EXOC1: variants seen among roughly 807,000 people sequenced by gnomAD.
The protein encoded by EXOC1 is SEC3-like 1.
EXOC1 carries 67 observed loss-of-function variants against 107.7 expected under a neutral mutation model. That is an observed-to-expected ratio of 0.62 (90% confidence interval 0.51 to 0.76). The LOEUF (loss-of-function observed/expected upper bound fraction) is 0.76, where lower values mean the gene tolerates loss of function less well. Ranked by LOEUF, EXOC1 falls within the 30% of genes least tolerant of loss-of-function variation. EXOC1 has a pLI of 0.00. For missense variants in EXOC1, 833 were observed against 1,055.7 expected (o/e 0.79, Z 2.92); for synonymous variants, 348 against 353.5 (o/e 0.98, Z 0.17).
At chr4:55,901,313 A>G (rs1725882547) in intron 17 of EXOC1, among the ~76,000 whole-genome samples, 2 of 152,216 alleles carry the variant, frequency 1.3e-5, no homozygotes, top group South Asian at 4.1e-4. Flanking sequence ...TTATGTAAAA[A>G]CAAAATTTTT....
At position 55,870,901 on chromosome 4, in the gene EXOC1, T is replaced by C. The variant is rs1482409264; in HGVS notation, c.827T>C (p.Leu276Pro). ...AAACTCCTATCTGAGATAGAGTTCC[T>C]TGTGGTAAGTATGATCATAAATTAC... Reference protein sequence around the residue: ...NVKLLSEIEFLVNHMDLAKGH... With the variant: ...NVKLLSEIEFPVNHMDLAKGH... Residue 276 changes from leucine to proline, a missense_variant, in exon 6 of 19, where the codon CTT becomes CCT. Leu to Pro is a moderately conservative substitution (Grantham distance 98, BLOSUM62 -3). Around this residue, in one of 2 missense-constraint regions of EXOC1, gnomAD observed 617 missense variants for 701.3 expected, o/e 0.88. Coordinates refer to ENST00000381295, the MANE Select transcript of EXOC1 (RefSeq NM_001024924.2). 3.1e-6 allele frequency: 5 copies of C among 1,611,576 alleles called. No homozygotes were observed. The highest frequency in any genetic ancestry group is 4.2e-6 in the Non-Finnish European group (5 of 1,178,362).
chr4:55,877,268 C>T (rs1722987612), intron 8 of EXOC1: 1 of 985,214 alleles, frequency 1.0e-6, no homozygotes, highest in African/African-American at 1.7e-5. Context: ...ATACAGTTTT[C>T]ACAAAATGCT....
In EXOC1 at chr4:55,868,521, G is replaced by T. The variant is rs1327895610; in HGVS notation, c.601G>T (p.Gly201Trp). The T allele has an allele frequency of 2.5e-6, 4 of 1,612,460 alleles. No homozygotes were observed. The Admixed American group carries it at 5.0e-5, about 20-fold the overall frequency. ...GTCCAGAGAGCTGCAGGTGCTAGATGGGGTAAGACTTTCCTGAATTCTATG... is the reference window on the plus strand; with the variant it reads ...GTCCAGAGAGCTGCAGGTGCTAGATTGGGTAAGACTTTCCTGAATTCTATG... Reference protein sequence around the residue: ...KLSRELQVLDGANIQSIMASE... With the variant: ...KLSRELQVLDWANIQSIMASE... Residue 201 changes from glycine to tryptophan, a missense_variant and splice_region_variant, in exon 5 of 19, where the codon GGG (glycine) becomes TGG (tryptophan). This residue lies in a region of EXOC1 where 617 missense variants were observed against 701.3 expected (regional missense o/e 0.88). Coordinates refer to ENST00000381295, the MANE Select transcript of EXOC1 (RefSeq NM_001024924.2).
chr4:55,883,744 G>T, intron 9 of EXOC1, 79 bp from the exon 10 acceptor site: 1 of 806,086 alleles, frequency 1.2e-6, no homozygotes, highest in South Asian at 2.2e-5. Context: ...AAACAAGCAT[G>T]AAGGACTTGG....
In EXOC1 at chr4:55,896,300, C is replaced by T. The variant is rs543777782; in HGVS notation, c.1954-417C>T. ...AAGTAGCTGGGATTACAGGCATGCA[C>T]GACCCCACCCAGCTAATTTTTTTTT... On this transcript the variant is annotated intron_variant, in intron 15 of 18. Coordinates refer to ENST00000381295, the MANE Select transcript of EXOC1 (RefSeq NM_001024924.2). Among the ~76,000 whole-genome samples, 12 of 152,146 alleles carry T rather than the reference C, an allele frequency of 7.9e-5. No individual in the cohort carries two copies. The South Asian group carries it at 1.9e-3, about 24-fold the overall frequency.
At chr4:55,894,795 T>C (rs1283772120) in intron 15 of EXOC1, among the ~76,000 whole-genome samples, 1 of 152,018 alleles carries the variant, frequency 6.6e-6, no homozygotes, top group Non-Finnish European at 1.5e-5. Context: ...GCTAGTTTTG[T>C]ATTTTTAGTA....
intron 10 of EXOC1, among the ~76,000 whole-genome samples, 169 bp downstream of exon 10, chr4:55,884,097 A>G (rs767388065): frequency 2.0e-5 from 3 of 152,238 alleles, no homozygotes; most frequent in East Asian, 3.8e-4. Flanking sequence ...ACAAATATGT[A>G]TATCTGTAAA....
chr4:55,893,847 TA>T (rs1201696695), intron 15 of EXOC1, 67 bp downstream of exon 15: 1 of 1,271,118 alleles, frequency 7.9e-7, no homozygotes, highest in Non-Finnish European at 1.1e-6. Flanking sequence ...TAAATGTATT[TA>T]AAATCGAGGG....
intron 9 of EXOC1, among the ~76,000 whole-genome samples, chr4:55,878,316 T>C (rs1277613725): frequency 1.3e-5 from 2 of 152,240 alleles, no homozygotes; most frequent in Non-Finnish European, 2.9e-5. Context: ...AGTTAAATGC[T>C]ATGCTTATTT....
Position 55,902,337 on chromosome 4 carries a change from C to T in EXOC1, c.2338-7C>T, listed in dbSNP as rs551244253. The stretch of plus-strand genomic sequence containing the variant: ...CTTAGCCATTGTTTCTTTTCATTTC[C>T]TTGAAGCATTTCTTTGAAGGTGTTG... On this transcript the variant is annotated splice_region_variant and splice_polypyrimidine_tract_variant and intron_variant, in intron 17 of 18. Coordinates refer to ENST00000381295, the MANE Select transcript of EXOC1 (RefSeq NM_001024924.2). 4 of 1,421,832 alleles carry T rather than the reference C, an allele frequency of 2.8e-6. No homozygotes were observed. The African/African-American group carries it at 5.9e-5, about 21-fold the overall frequency. The allele number at this position is 1,421,832 out of a possible 1,614,324, so 88.1% of individuals were successfully genotyped here. A position where few individuals can be genotyped will look rare whatever the true frequency, so the allele number is the denominator to read the frequency against.
In EXOC1 at chr4:55,882,367, T is replaced by C. The variant is rs116290595; in HGVS notation, c.1225-1456T>C. ...GTTGCCCAGGCTGGCATCATAGAGT[T>C]TTGGAGAGACACTGATACAGTAAAA... On this transcript the variant is annotated intron_variant, in intron 9 of 18. Coordinates refer to ENST00000381295, the MANE Select transcript of EXOC1 (RefSeq NM_001024924.2). 7.7e-3 allele frequency among the ~76,000 whole-genome samples: 1,170 copies of C among 152,210 alleles called. 7 individuals carry two copies. Among genetic ancestry groups the C allele is most frequent in the African/African-American group, 0.026 (1,099 of 41,544 alleles).
At position 55,886,582 on chromosome 4, in the gene EXOC1, A is replaced by AC. The variant is rs56889219; in HGVS notation, c.1331-2306_1331-2305insC. ...AACAAAAAAACAAAAAAACAAAAAA[A>AC]AAAAAAACAAGAAATGTAACCCCAT... On this transcript the variant is annotated intron_variant, in intron 10 of 18. Transcript: ENST00000381295. Among the ~76,000 whole-genome samples, 6 of 151,796 alleles carry AC rather than the reference A, an allele frequency of 4.0e-5. No homozygotes were observed. In the East Asian group the frequency reaches 5.8e-4, roughly 15 times the overall value.
intron 18 of EXOC1, among the ~76,000 whole-genome samples, 185 bp downstream of exon 18, chr4:55,902,723 C>T (rs1237709899): frequency 6.6e-6 from 1 of 151,926 alleles, no homozygotes; most frequent in Non-Finnish European, 1.5e-5. Context: ...GCTATTTCTG[C>T]TTATTTCGTA....
At chr4:55,903,962 A>G (rs1223869248) in intron 18 of EXOC1, among the ~76,000 whole-genome samples, 3 of 152,206 alleles carry the variant, frequency 2.0e-5, no homozygotes, top group East Asian at 1.9e-4. Flanking sequence ...TCTTAGTTCT[A>G]TACATAATTG....
intron 18 of EXOC1, among the ~76,000 whole-genome samples, 193 bp downstream of exon 18, chr4:55,902,731 G>A (rs1027726110): frequency 3.3e-5 from 5 of 151,862 alleles, no homozygotes; most frequent in East Asian, 1.9e-4. Flanking sequence ...TGCTTATTTC[G>A]TATTTCTGCT....
intron 8 of EXOC1, chr4:55,875,781 T>C: frequency 3.0e-6 from 3 of 985,388 alleles, no homozygotes; most frequent in Non-Finnish European, 3.6e-6. Context: ...GCACATAGTT[T>C]AGGCCAGGCG....
intron 16 of EXOC1, 27 bp from the exon 17 acceptor site, chr4:55,899,658 A>G: frequency 6.3e-7 from 1 of 1,587,156 alleles, no homozygotes; most frequent in South Asian, 1.1e-5. Context: ...CAGAGATGTT[A>G]TTTTATTTTT....
At chr4:55,879,014 A>AGGAACAGG (rs1373862622) in intron 9 of EXOC1, among the ~76,000 whole-genome samples, 4 of 152,354 alleles carry the variant, frequency 2.6e-5, no homozygotes, top group Admixed American at 2.0e-4. Flanking sequence ...CAACAGCAGA[A>AGGAACAGG]GGAACAGGTT....
At chr4:55,857,160 C>CTTTTTTCTTTTT (rs1721052427) in intron 1 of EXOC1, among the ~76,000 whole-genome samples, 1 of 133,432 alleles carries the variant, frequency 7.5e-6, no homozygotes, top group African/African-American at 2.9e-5. Flanking sequence ...ACTTCATTTC[C>CTTTTTTCTTTTT]TTTTTTTCTT....
Sources: allele counts gnomAD v4.1 joint callset (sites outside exome capture counted in the v4.1 genomes callset), GRCh38; gene constraint gnomAD v4.1.1; regional missense constraint gnomAD v4.1.1; transcripts MANE v1.5; gene names NCBI Gene and HGNC (gene_info 2026-07-23, HGNC 2026-07-21).